Variants in MAPK14 observed in about 807,000 individuals in gnomAD.
MAPK14 encodes the protein CSAID-binding protein.
Under a neutral mutation model 49.6 loss-of-function variants are expected in MAPK14, and 16 were observed. The observed-to-expected ratio is 0.32, with a 90% CI of 0.22 to 0.49. The LOEUF (loss-of-function observed/expected upper bound fraction) is 0.49, where lower values mean the gene tolerates loss of function less well. Ranked by LOEUF, MAPK14 falls within the 20% of genes least tolerant of loss-of-function variation. MAPK14 has a pLI of 0.99. For missense variants in MAPK14, 200 were observed against 441.2 expected (o/e 0.45, Z 4.90); for synonymous variants, 142 against 158.0 (o/e 0.90, Z 0.76).
intron 3 of MAPK14, among the ~76,000 whole-genome samples, chr6:36,065,261 A>G (rs527993368): frequency 6.6e-6 from 1 of 152,316 alleles, no homozygotes; most frequent in East Asian, 1.9e-4. Context: ...TTGCTGAATC[A>G]TTATTGGAGT....
At chr6:36,092,254 A>G in intron 8 of MAPK14, 1 of 572,330 alleles carries the variant, frequency 1.7e-6, no homozygotes, top group Non-Finnish European at 3.4e-6. Context: ...ACCTGGGTCC[A>G]TATAGACCAC....
chr6:36,037,458 G>A (rs1308727085), intron 1 of MAPK14, among the ~76,000 whole-genome samples: 1 of 152,014 alleles, frequency 6.6e-6, no homozygotes, highest in Non-Finnish European at 1.5e-5. Context: ...CTAAGTTTTG[G>A]CCTTGGGCAA....
intron 3 of MAPK14, among the ~76,000 whole-genome samples, chr6:36,070,464 A>G (rs142073803): frequency 7.0e-4 from 107 of 152,350 alleles, no homozygotes; most frequent in African/African-American, 2.4e-3. Flanking sequence ...ATGAGACATA[A>G]TGAGTACATG....
At chr6:36,089,149 C>T (rs1283725144) in intron 8 of MAPK14, among the ~76,000 whole-genome samples, 1 of 152,144 alleles carries the variant, frequency 6.6e-6, no homozygotes, top group Non-Finnish European at 1.5e-5. Context: ...GACATGGAAT[C>T]AACCCAAATG....
intron 1 of MAPK14, among the ~76,000 whole-genome samples, chr6:36,032,168 G>A (rs935496976): frequency 2.8e-4 from 42 of 151,962 alleles, no homozygotes; most frequent in Admixed American, 7.2e-4. Flanking sequence ...GTCAGTTTCC[G>A]AATTTTATTG....
chr6:36,044,246 G>T (rs1183879678), intron 1 of MAPK14, among the ~76,000 whole-genome samples: 2 of 152,132 alleles, frequency 1.3e-5, no homozygotes, highest in Admixed American at 1.3e-4. Context: ...CTTCTTAGAA[G>T]TCATCTATGA....
chr6:36,108,491 A>G lies in MAPK14; in HGVS notation c.*44A>G. 1 of 1,490,726 alleles carries G rather than the reference A, an allele frequency of 6.7e-7. No homozygotes were observed. Among genetic ancestry groups the G allele is most frequent in the Non-Finnish European group, 9.4e-7 (1 of 1,067,418 alleles). 92.3% of individuals were successfully genotyped at this position (1,490,726 alleles called of 1,614,324 possible). A position where few individuals can be genotyped will look rare whatever the true frequency, so the allele number is the denominator to read the frequency against. ...GTTGATCCCACTTCACTGTGAGGGG[A>G]AGGCCTTTTCACGGGAACTCTCCAA... On this transcript the variant is annotated 3_prime_UTR_variant, in exon 12 of 12. Transcript: ENST00000229794.
At chr6:36,121,174 G>T in the MAPK14 span, among the ~76,000 whole-genome samples, 1 of 152,154 alleles carries the variant, frequency 6.6e-6, no homozygotes, top group Non-Finnish European at 1.5e-5. Flanking sequence ...CTAGAATGGA[G>T]GTTGCCTGGG....
intron 8 of MAPK14, among the ~76,000 whole-genome samples, chr6:36,094,493 A>G (rs996765410): frequency 2.0e-5 from 3 of 152,224 alleles, no homozygotes; most frequent in African/African-American, 4.8e-5. Context: ...ATTTTCTTCC[A>G]TTTAAGCTGA....
intron 8 of MAPK14, 80 bp from the exon 9 acceptor site, chr6:36,095,907 G>C: frequency 3.4e-6 from 3 of 894,712 alleles, no homozygotes; most frequent in Non-Finnish European, 5.4e-6. Context: ...TGTTCTGTTT[G>C]TTTGTTTTTG....
intron 2 of MAPK14, among the ~76,000 whole-genome samples, chr6:36,054,007 T>TTTTTTTTTTTTTTTTTTTTTTTTTG (rs1562112084): frequency 6.6e-6 from 1 of 151,890 alleles, no homozygotes; most frequent in African/African-American, 2.4e-5. Context: ...ACCAGAGTTT[T>TTTTTTTTTTTTTTTTTTTTTTTTTG]AAGAATGTTC....
intron 9 of MAPK14, among the ~76,000 whole-genome samples, chr6:36,098,771 G>A (rs909033614): frequency 1.3e-5 from 2 of 152,114 alleles, no homozygotes; most frequent in African/African-American, 4.8e-5. Flanking sequence ...TGCTATTGCT[G>A]GTTTACTTTG....
intron 8 of MAPK14, among the ~76,000 whole-genome samples, chr6:36,094,094 A>G (rs1032917375): frequency 2.0e-5 from 3 of 152,248 alleles, no homozygotes; most frequent in Non-Finnish European, 4.4e-5. Flanking sequence ...TCCCATGAAC[A>G]TATGCTATAA....
intron 1 of MAPK14, among the ~76,000 whole-genome samples, chr6:36,034,556 C>G (rs529987358): frequency 1.3e-5 from 2 of 152,170 alleles, no homozygotes; most frequent in Non-Finnish European, 2.9e-5. Flanking sequence ...AAAGTGGGCT[C>G]CCCTGACTTG....
intron 8 of MAPK14, among the ~76,000 whole-genome samples, chr6:36,081,939 G>A (rs80032177): frequency 0.12 from 17,995 of 151,458 alleles, 1,183 homozygotes; most frequent in African/African-American, 0.18. Flanking sequence ...ATAGTTTTCA[G>A]TTGTAAAGTA....
chr6:36,036,344 G>T (rs1009065231), intron 1 of MAPK14, among the ~76,000 whole-genome samples: 4 of 152,036 alleles, frequency 2.6e-5, no homozygotes, highest in Non-Finnish European at 5.9e-5. Flanking sequence ...TCTGCTGTTG[G>T]GGAAGATGCT....
At chr6:36,077,792 C>G (rs1764591670) in intron 8 of MAPK14, among the ~76,000 whole-genome samples, 1 of 152,208 alleles carries the variant, frequency 6.6e-6, no homozygotes, top group African/African-American at 2.4e-5. Context: ...CCTGGTGTTT[C>G]TCCTTTGTCC....
chr6:36,099,706 C>T (rs1435754669), intron 9 of MAPK14, among the ~76,000 whole-genome samples: 1 of 152,180 alleles, frequency 6.6e-6, no homozygotes, highest in Non-Finnish European at 1.5e-5. Context: ...CCACGTGTGT[C>T]TTAATTCGGA....
At chr6:36,083,908 A>G (rs1008743570) in intron 8 of MAPK14, among the ~76,000 whole-genome samples, 3 of 152,078 alleles carry the variant, frequency 2.0e-5, no homozygotes, top group Non-Finnish European at 2.9e-5. Context: ...GACCCCTCCA[A>G]CAGGGGTCGC....
Sources: allele counts gnomAD v4.1 joint callset (sites outside exome capture counted in the v4.1 genomes callset), GRCh38; gene constraint gnomAD v4.1.1; transcripts MANE v1.5; gene names NCBI Gene and HGNC (gene_info 2026-07-23, HGNC 2026-07-21).